Variants in HLTF observed in about 807,000 individuals in gnomAD.
HLTF encodes the protein helicase like transcription factor, also known as DNA-dependent ATPase/E3 ubiquitin-protein ligase HLTF.
HLTF carries 127 observed loss-of-function variants against 129.4 expected under a neutral mutation model. That is an observed-to-expected ratio of 0.98 (90% CI 0.85 to 1.14). The LOEUF is 1.14. Ranked by LOEUF, HLTF falls within the 50% of genes most tolerant of loss-of-function variation. The pLI, the probability that HLTF is intolerant of heterozygous loss-of-function variation, is 0.00. For missense variants in HLTF, 1,139 were observed against 1,187.1 expected, an observed-to-expected ratio of 0.96 and a Z score of 0.60; for synonymous variants, 332 against 388.8, an observed-to-expected ratio of 0.85 and a Z score of 1.72.
intron 22 of HLTF, 36 bp downstream of exon 22, chr3:149,039,545 C>T: frequency 1.0e-6 from 1 of 993,448 alleles, no homozygotes; most frequent in Non-Finnish European, 1.5e-6. Flanking sequence ...TATATAAAAT[C>T]CTTTTACTGA....
Position 149,032,044 on chromosome 3 carries a change from T to A in HLTF, c.*176A>T, listed in dbSNP as rs1715103287. On this transcript the variant is annotated 3_prime_UTR_variant, in exon 25 of 25. Transcript: ENST00000310053. ...ACGGAACTTATTGCTATTTGAAGTT[T>A]CATTAAAAATAGGTTCATATATAGA... 6 of 424,406 alleles carry A rather than the reference T, an allele frequency of 1.4e-5. No individual in the cohort carries two copies. The South Asian group carries it at 4.0e-4, about 28-fold the overall frequency. The allele number at this position is 424,406 out of a possible 1,614,324, so 26.3% of individuals were successfully genotyped here.
At chr3:149,065,350 T>C (rs1718274984) in intron 8 of HLTF, among the ~76,000 whole-genome samples, 1 of 152,202 alleles carries the variant, frequency 6.6e-6, no homozygotes, top group South Asian at 2.1e-4. Flanking sequence ...TCTTACTCCA[T>C]GGGGTATTTT....
chr3:149,041,199 G>A (rs1716106348), intron 20 of HLTF, among the ~76,000 whole-genome samples: 1 of 152,064 alleles, frequency 6.6e-6, no homozygotes, highest in Non-Finnish European at 1.5e-5. Context: ...TTTTACTTAA[G>A]AGTATGACTA....
intron 2 of HLTF, among the ~76,000 whole-genome samples, chr3:149,078,353 C>A (rs1559883431): frequency 6.6e-6 from 1 of 152,016 alleles, no homozygotes; most frequent in Non-Finnish European, 1.5e-5. Context: ...TGAGACCAGC[C>A]TGGGAAACAT....
chr3:149,080,727 T>A (rs1396937093), intron 2 of HLTF, among the ~76,000 whole-genome samples: 1 of 152,014 alleles, frequency 6.6e-6, no homozygotes, highest in African/African-American at 2.4e-5. Context: ...AAATAAGTAA[T>A]TACTAGAATT....
intron 5 of HLTF, among the ~76,000 whole-genome samples, chr3:149,072,945 A>G (rs1718999665): frequency 6.6e-6 from 1 of 152,240 alleles, no homozygotes; most frequent in Admixed American, 6.5e-5. Flanking sequence ...TTGAACATTT[A>G]AAACATTTCA....
chr3:149,071,756 T>C, intron 5 of HLTF, 99 bp from the exon 6 acceptor site: 2 of 797,488 alleles, frequency 2.5e-6, no homozygotes, highest in South Asian at 1.7e-5. Flanking sequence ...CTGGCGTTAA[T>C]GTCAAACGGG....
chr3:149,081,041 A>C (rs1169358065), intron 2 of HLTF, among the ~76,000 whole-genome samples: 4 of 152,158 alleles, frequency 2.6e-5, no homozygotes, highest in African/African-American at 9.6e-5. Flanking sequence ...ATATATGCTT[A>C]AATACACAAA....
chr3:149,073,847 T>A (rs1443730640), intron 4 of HLTF, among the ~76,000 whole-genome samples: 2 of 152,230 alleles, frequency 1.3e-5, no homozygotes, highest in Non-Finnish European at 2.9e-5. Flanking sequence ...AGCAATCCTT[T>A]TCATTCGCTA....
intron 23 of HLTF, among the ~76,000 whole-genome samples, 168 bp from the exon 24 acceptor site, chr3:149,035,166 A>G (rs1715462597): frequency 6.6e-6 from 1 of 152,154 alleles, no homozygotes; most frequent in Admixed American, 6.5e-5. Flanking sequence ...CACCCTCCCA[A>G]TCACTATGAT....
intron 17 of HLTF, among the ~76,000 whole-genome samples, chr3:149,047,510 C>T (rs1167318649): frequency 2.6e-5 from 4 of 152,060 alleles, no homozygotes; most frequent in African/African-American, 7.2e-5. Context: ...GGCATGCTGG[C>T]GCAGACCTGT....
rs555262100 is a variant in HLTF at position 149,075,538 on chromosome 3, C to T, written c.395+343G>A. Among the ~76,000 whole-genome samples, 129 of 151,592 alleles carry T rather than the reference C, an allele frequency of 8.5e-4. No homozygotes were observed. The Middle Eastern group carries it at 0.017, about 20-fold the overall frequency. On this transcript the variant is annotated intron_variant, in intron 3 of 24. Coordinates refer to ENST00000310053, the MANE Select transcript of HLTF (RefSeq NM_003071.4). ...CAGCCTGGGCAACAGAGTGAGACTTCGTCTCAAAATAAATAAATAAATAAA... is the reference window on the plus strand; with the variant it reads ...CAGCCTGGGCAACAGAGTGAGACTTTGTCTCAAAATAAATAAATAAATAAA...
At chr3:149,059,583 T>C (rs1478139439) in intron 13 of HLTF, 135 bp downstream of exon 13, 1 of 589,800 alleles carries the variant, frequency 1.7e-6, no homozygotes, top group Non-Finnish European at 3.0e-6. Flanking sequence ...GTTCTTTTAA[T>C]GGGTTATATA....
At chr3:149,071,466 C>A in intron 6 of HLTF, 23 bp from the exon 7 acceptor site, 4 of 1,573,934 alleles carry the variant, frequency 2.5e-6, no homozygotes, top group Non-Finnish European at 3.5e-6. Flanking sequence ...AGTCATAAAG[C>A]GAAATACATT....
At chr3:149,066,036 T>C (rs962388396) in intron 8 of HLTF, among the ~76,000 whole-genome samples, 1 of 152,122 alleles carries the variant, frequency 6.6e-6, no homozygotes, top group Non-Finnish European at 1.5e-5. Context: ...AGGATGTCCT[T>C]TGCATTCATC....
At chr3:149,067,105 A>G (rs1448711310) in intron 8 of HLTF, among the ~76,000 whole-genome samples, 1 of 151,978 alleles carries the variant, frequency 6.6e-6, no homozygotes, top group Non-Finnish European at 1.5e-5. Flanking sequence ...CTCTAGTAAC[A>G]TTTATTTTTC....
At chr3:149,079,259 A>G (rs1167386412) in intron 2 of HLTF, among the ~76,000 whole-genome samples, 1 of 151,712 alleles carries the variant, frequency 6.6e-6, no homozygotes, top group Non-Finnish European at 1.5e-5. Context: ...ACATATAAGA[A>G]GCTCAACAAC....
chr3:149,079,062 C>T (rs975855455), intron 2 of HLTF, among the ~76,000 whole-genome samples: 7 of 151,908 alleles, frequency 4.6e-5, no homozygotes, highest in Admixed American at 4.6e-4. Flanking sequence ...GAAGATAGGT[C>T]AATTGAGATT....
intron 13 of HLTF, among the ~76,000 whole-genome samples, chr3:149,058,090 C>T (rs541236296): frequency 2.0e-5 from 3 of 152,090 alleles, no homozygotes; most frequent in South Asian, 4.2e-4. Flanking sequence ...TAAGAGCATC[C>T]CCCTATTCCT....
Sources: gnomAD v4.1 joint callset for allele counts (sites outside exome capture counted in the v4.1 genomes callset) on GRCh38, gnomAD v4.1.1 for gene constraint, MANE v1.5 for transcripts, NCBI Gene and HGNC (gene_info 2026-07-23, HGNC 2026-07-21) for gene names.